The following SLC13A1 variants were observed in gnomAD, a reference collection of about 807,000 sequenced individuals.
SLC13A1 encodes the protein Na(+)/sulfate cotransporter.
A neutral mutation model predicts 70.0 loss-of-function variants in SLC13A1; 65 were observed. That is an observed-to-expected ratio of 0.93 (90% confidence interval 0.76 to 1.14). The LOEUF is 1.14. Ranked by LOEUF, SLC13A1 falls within the 50% of genes most tolerant of loss-of-function variation. The pLI is 0.00. For synonymous variants in SLC13A1, 275 were observed against 250.5 expected (o/e 1.10, Z -0.92); for missense variants, 726 against 717.8 (o/e 1.01, Z -0.13).
chr7:123,195,565 T>C (rs1474356749), intron 1 of SLC13A1, among the ~76,000 whole-genome samples: 1 of 152,010 alleles, frequency 6.6e-6, no homozygotes, highest in Non-Finnish European at 1.5e-5. Context: ...TTCCTTACAA[T>C]CATTATATTT....
rs1795234199 is a variant in SLC13A1, at chr7:123,170,553, TTCTGTAGCAC to T, written c.365+1205_365+1214del. On this transcript the variant is annotated intron_variant, in intron 3 of 14. Transcript: ENST00000194130. ...AGAGGGTCAGGAAAAAGAGATACAT[TTCTGTAGCAC>T]CCTAAAAGGCATGGAGCCCCACTTC... 4.6e-5 allele frequency among the ~76,000 whole-genome samples: 7 copies of T among 152,246 alleles called. No homozygotes were observed. In the South Asian group the frequency reaches 1.5e-3, roughly 32 times the overall value.
At chr7:123,159,347 G>A (rs1465499830) in intron 6 of SLC13A1, among the ~76,000 whole-genome samples, 1 of 152,154 alleles carries the variant, frequency 6.6e-6, no homozygotes, top group Non-Finnish European at 1.5e-5. Flanking sequence ...ATCCGATAGG[G>A]CTGATGTCCT....
chr7:123,199,753 A>C (rs1204372878), intron 1 of SLC13A1, 95 bp downstream of exon 1: 1 of 863,852 alleles, frequency 1.2e-6, no homozygotes, highest in Non-Finnish European at 1.8e-6. Context: ...ACATTCATTC[A>C]GCTCTGAGCC....
At chr7:123,140,164 T>G (rs935880519) in intron 7 of SLC13A1, among the ~76,000 whole-genome samples, 3 of 152,112 alleles carry the variant, frequency 2.0e-5, no homozygotes, top group African/African-American at 7.2e-5. Flanking sequence ...TATGAAATGC[T>G]TTTTCAGCAT....
intron 2 of SLC13A1, among the ~76,000 whole-genome samples, chr7:123,178,330 T>A (rs2116601268): frequency 6.6e-6 from 1 of 152,166 alleles, no homozygotes; most frequent in South Asian, 2.1e-4. Context: ...GGCTCTAAAC[T>A]TAGATGAGGG....
intron 12 of SLC13A1, among the ~76,000 whole-genome samples, chr7:123,121,151 G>A (rs188160697): frequency 6.6e-6 from 1 of 151,816 alleles, no homozygotes; most frequent in African/African-American, 2.4e-5. Context: ...GCTCAATTTT[G>A]CTACAAAGTA....
chr7:123,126,172 TG>T (rs769011386), intron 10 of SLC13A1, among the ~76,000 whole-genome samples: 2 of 152,222 alleles, frequency 1.3e-5, no homozygotes, highest in Non-Finnish European at 2.9e-5. Context: ...GGAATTGATC[TG>T]TTTTCTGAGA....
In SLC13A1 at chr7:123,147,184, A is replaced by T. The variant is rs1248995408; in HGVS notation, c.787T>A (p.Leu263Met). ...LTTITGTSTN[L>M]IFAEYFNTRY... ...GTATTGAAATACTCTGCAAAGATCAAGTTGGTGGAGGTACCAGTGATTGTT... is the reference window on the plus strand; with the variant it reads ...GTATTGAAATACTCTGCAAAGATCATGTTGGTGGAGGTACCAGTGATTGTT... Residue 263 changes from leucine (L) to methionine (M), a missense_variant, in exon 7 of 15, where the codon TTG (leucine) becomes ATG (methionine). Leu to Met is a conservative substitution (Grantham distance 15). Coordinates refer to ENST00000194130, the MANE Select transcript of SLC13A1 (RefSeq NM_022444.4). 9 of 1,613,694 alleles carry T rather than the reference A, an allele frequency of 5.6e-6. No homozygotes were observed. Among genetic ancestry groups the T allele is most frequent in the Non-Finnish European group, 7.6e-6 (9 of 1,179,788 alleles).
intron 14 of SLC13A1, among the ~76,000 whole-genome samples, chr7:123,116,044 A>G (rs1793170134): frequency 6.6e-6 from 1 of 152,236 alleles, no homozygotes; most frequent in Admixed American, 6.5e-5. Flanking sequence ...ATTTCATGTT[A>G]AAGCAGAATT....
chr7:123,152,079 A>T (rs372395201), intron 6 of SLC13A1, among the ~76,000 whole-genome samples: 3 of 152,120 alleles, frequency 2.0e-5, no homozygotes, highest in African/African-American at 7.2e-5. Context: ...ATAAACACTT[A>T]TTATCTTTTG....
chr7:123,151,683 A>G (rs1217420583), intron 6 of SLC13A1, among the ~76,000 whole-genome samples: 6 of 152,116 alleles, frequency 3.9e-5, no homozygotes, highest in Non-Finnish European at 8.8e-5. Context: ...AGTTAAGTGA[A>G]TTGTTCGAGG....
chr7:123,194,571 C>G (rs979795888), intron 1 of SLC13A1, among the ~76,000 whole-genome samples: 1 of 151,798 alleles, frequency 6.6e-6, no homozygotes, highest in Non-Finnish European at 1.5e-5. Flanking sequence ...GTACTCTGGC[C>G]AGAGACTGTA....
intron 8 of SLC13A1, 36 bp downstream of exon 8, chr7:123,134,374 C>T (rs374169267): frequency 3.1e-6 from 5 of 1,599,788 alleles, no homozygotes; most frequent in Admixed American, 1.7e-5. Context: ...ACCTAGACAC[C>T]TTTATTTAGC....
chr7:123,175,360 A>C (rs1023172056), intron 2 of SLC13A1, among the ~76,000 whole-genome samples: 3 of 152,080 alleles, frequency 2.0e-5, no homozygotes, highest in Admixed American at 1.3e-4. Context: ...AAAATGAATA[A>C]AGATTTAAGT....
At chr7:123,187,529 T>C (rs936556993) in intron 1 of SLC13A1, among the ~76,000 whole-genome samples, 3 of 152,188 alleles carry the variant, frequency 2.0e-5, no homozygotes, top group African/African-American at 7.2e-5. Context: ...CACTCCCTCA[T>C]TTCCTTCTCC....
intron 1 of SLC13A1, among the ~76,000 whole-genome samples, chr7:123,196,718 A>G (rs1796197816): frequency 6.6e-6 from 1 of 152,078 alleles, no homozygotes; most frequent in African/African-American, 2.4e-5. Flanking sequence ...CATAAGGTCA[A>G]TTGAGGAAAT....
chr7:123,120,657 G>T (rs1036648324), intron 12 of SLC13A1, among the ~76,000 whole-genome samples: 11 of 151,984 alleles, frequency 7.2e-5, no homozygotes, highest in Non-Finnish European at 1.5e-4. Context: ...TCAAAAGCTG[G>T]CACAGAAATT....
intron 1 of SLC13A1, among the ~76,000 whole-genome samples, chr7:123,192,766 C>G (rs979696401): frequency 6.6e-6 from 1 of 152,054 alleles, no homozygotes; most frequent in East Asian, 1.9e-4. Context: ...GTATTCCTAC[C>G]CCTACTGCAG....
chr7:123,199,525 G>T (rs1314109098), intron 1 of SLC13A1, among the ~76,000 whole-genome samples: 1 of 152,066 alleles, frequency 6.6e-6, no homozygotes, highest in Non-Finnish European at 1.5e-5. Context: ...AGCCATGCAT[G>T]CTCCCTGGAG....
Sources: gnomAD v4.1 joint callset for allele counts (sites outside exome capture counted in the v4.1 genomes callset) on GRCh38, gnomAD v4.1.1 for gene constraint, MANE v1.5 for transcripts, NCBI Gene and HGNC (gene_info 2026-07-23, HGNC 2026-07-21) for gene names.